The following EMC1 variants were observed in gnomAD, a reference collection of about 807,000 sequenced individuals.
EMC1 encodes KIAA0090.
EMC1 carries 103 observed loss-of-function variants against 128.8 expected under a neutral mutation model. That is an observed-to-expected ratio of 0.80 (90% CI 0.68 to 0.94). The LOEUF is 0.94. Among genes scored for constraint, EMC1 ranks in the 40% least tolerant of loss-of-function variants. EMC1 has a pLI of 0.00. For synonymous variants in EMC1, 442 were observed against 490.4 expected (o/e 0.90, Z 1.30); for missense variants, 1,083 against 1,250.6 (o/e 0.87, Z 2.02).
At position 19,232,792 on chromosome 1, in the gene EMC1, C is replaced by T; in HGVS notation, c.1633-19G>A. On this transcript the variant is annotated intron_variant, in intron 14 of 22. Coordinates refer to ENST00000477853, the MANE Select transcript of EMC1 (RefSeq NM_015047.3). The stretch of plus-strand genomic sequence containing the variant: ...CAAAAAGCTGCAAGATAAACAAATA[C>T]TTGGCTCACTACTAGAAAGAGAAAC... The T allele has an allele frequency of 1.9e-6, 3 of 1,614,008 alleles. No homozygotes were observed. The highest frequency in any genetic ancestry group is 1.1e-5 in the South Asian group (1 of 91,088).
At position 19,236,779 on chromosome 1, in the gene EMC1, C is replaced by T. The variant is rs866895424; in HGVS notation, c.1309+363G>A. On this transcript the variant is annotated intron_variant, in intron 12 of 22. Transcript: ENST00000477853. ...GGTCAGGAATTCGAGACCAGCCTGG[C>T]CAACATGGGGAAACCCTGTCTCTAC... Among the ~76,000 whole-genome samples, 6 of 151,520 alleles carry T rather than the reference C, an allele frequency of 4.0e-5. 1 individual carries two copies. The South Asian group carries it at 1.3e-3, about 32-fold the overall frequency.
In EMC1 at chr1:19,235,132, GC is replaced by G. The variant is rs1348913197; in HGVS notation, c.1429del (p.Ala477GlnfsTer9). 1 of 1,613,436 alleles carries G rather than the reference GC, an allele frequency of 6.2e-7. No homozygotes were observed. Among genetic ancestry groups the G allele is most frequent in the Non-Finnish European group, 8.5e-7 (1 of 1,179,700 alleles). ...AELEGEFGKK[A>X]DGLLGMFLKR... Reference sequence around the variant, plus strand: ...GCTCCAACCTCTTAGGTTCATACCTGCCTTTTTGCCAAATTCTCCTTCCAGC... The same window carrying G: ...GCTCCAACCTCTTAGGTTCATACCTGCTTTTTGCCAAATTCTCCTTCCAGC... On this transcript the variant is annotated frameshift_variant, in exon 13 of 23. Transcript: ENST00000477853. LOFTEE classifies it high-confidence loss of function.
At chr1:19,243,778 C>CCT (rs2093619004) in intron 3 of EMC1, 71 bp from the exon 4 acceptor site, 1 of 1,516,852 alleles carries the variant, frequency 6.6e-7, no homozygotes, top group African/African-American at 1.4e-5. Flanking sequence ...CCACTGTGAG[C>CCT]AGTGGCCTCA....
intron 21 of EMC1, chr1:19,220,548 A>T: frequency 2.4e-6 from 1 of 408,546 alleles, no homozygotes; most frequent in Non-Finnish European, 4.4e-6. Flanking sequence ...TACCTAACAT[A>T]GTATATATTT....
At chr1:19,235,343 G>T in intron 12 of EMC1, 91 bp from the exon 13 acceptor site, 1 of 1,356,800 alleles carries the variant, frequency 7.4e-7, no homozygotes, top group Non-Finnish European at 1.0e-6. Context: ...CAAGGTGGGT[G>T]AATCTCTTGA....
At position 19,219,321 on chromosome 1, in the gene EMC1, C is replaced by G. The variant is rs764704020; in HGVS notation, c.2964G>C (p.Leu988=). 31 of 1,614,110 alleles carry G rather than the reference C, an allele frequency of 1.9e-5. 3 individuals carry two copies. The Middle Eastern group carries it at 5.1e-3, about 267-fold the overall frequency. ...ITKRLAQVKL[L]NRAWR is the part of the protein sequence containing the mutation. ...TTGTTCTTTATCGCCAGGCCCGATT[C>G]AGGAGCTTCACCTGTGCCAGTCTCT... The change falls in exon 23 of 23, where the codon CTG becomes CTC. Residue 988 remains leucine, a synonymous_variant. Coordinates refer to ENST00000477853, the MANE Select transcript of EMC1 (RefSeq NM_015047.3).
intron 17 of EMC1, among the ~76,000 whole-genome samples, chr1:19,228,631 C>T: frequency 6.6e-6 from 1 of 151,880 alleles, no homozygotes; most frequent in Non-Finnish European, 1.5e-5. Context: ...TGATTTTGCA[C>T]TTTTGTCAAT....
chr1:19,241,113 G>A lies in EMC1; in HGVS notation c.539C>T (p.Ser180Phe), dbSNP rs747871687. 1.8e-5 allele frequency: 29 copies of A among 1,614,096 alleles called. No individual in the cohort carries two copies. The South Asian group carries it at 3.2e-4, about 18-fold the overall frequency. Residue 180 changes from serine (S) to phenylalanine (F), a missense_variant, in exon 6 of 23, where the codon TCT (serine) becomes TTT (phenylalanine). Ser to Phe is a radical substitution (Grantham distance 155). Around this residue, in one of 3 missense-constraint regions of EMC1, gnomAD observed 544 missense variants for 572.4 expected, o/e 0.95. Transcript: ENST00000477853. Reference protein sequence around the residue: ...SDSIHYQMVYSYGSGVVWALG... With the variant: ...SDSIHYQMVYFYGSGVVWALG... ...GGCCCACACCACCCCAGAGCCGTAA[G>A]AATACACCATCTGGTAGTGGATGCT... is the stretch of plus-strand genomic sequence containing the variant.
At chr1:19,221,561 G>C (rs1180721584) in intron 20 of EMC1, 1 of 151,848 alleles carries the variant, frequency 6.6e-6, no homozygotes, top group Non-Finnish European at 1.5e-5. Flanking sequence ...ACTTGAACCA[G>C]GGAGGCTGAA....
chr1:19,231,161 T>C, intron 16 of EMC1, 100 bp downstream of exon 16: 1 of 1,402,366 alleles, frequency 7.1e-7, no homozygotes, highest in Non-Finnish European at 9.7e-7. Context: ...AAACACGTGC[T>C]GGGTGCAGAG....
chr1:19,231,305 G>A lies in EMC1; in HGVS notation c.1900C>T (p.Gln634Ter), dbSNP rs1262721985. 1.2e-6 allele frequency: 2 copies of A among 1,610,502 alleles called. No individual in the cohort carries two copies. Among genetic ancestry groups the A allele is most frequent in the Non-Finnish European group, 1.7e-6 (2 of 1,179,220 alleles). ...LQSLLLPVMD[Q>*]DYAKVLLLID... ...AACAGCAACACCTTGGCGTAGTCTT[G>A]ATCCATGACTGGGAGAAGCAAGGAC... Residue 634 changes from glutamine to a stop codon, truncating the protein, a stop_gained, in exon 16 of 23, where the codon CAA (glutamine) becomes TAA (stop). Coordinates refer to ENST00000477853, the MANE Select transcript of EMC1 (RefSeq NM_015047.3). LOFTEE classifies it high-confidence loss of function.
chr1:19,236,256 A>C (rs1169926915), intron 12 of EMC1, among the ~76,000 whole-genome samples: 1 of 152,092 alleles, frequency 6.6e-6, no homozygotes, highest in Non-Finnish European at 1.5e-5. Flanking sequence ...GCTACTCAGG[A>C]GGCTGAGGCA....
chr1:19,227,619 C>T (rs41300122), intron 17 of EMC1, among the ~76,000 whole-genome samples, 169 bp from the exon 18 acceptor site: 536 of 152,334 alleles, frequency 3.5e-3, no homozygotes, highest in Non-Finnish European at 5.6e-3. Flanking sequence ...GTAATCCCAG[C>T]ACTTTGGGAG....
intron 1 of EMC1, among the ~76,000 whole-genome samples, chr1:19,250,049 C>G (rs2093650233): frequency 6.6e-6 from 1 of 151,868 alleles, no homozygotes; most frequent in Non-Finnish European, 1.5e-5. Context: ...GAAACCCTGT[C>G]TCTACCAAAA....
chr1:19,248,959 G>A (rs2093644487), intron 1 of EMC1, among the ~76,000 whole-genome samples: 1 of 152,166 alleles, frequency 6.6e-6, no homozygotes, highest in Admixed American at 6.5e-5. Context: ...TAGGGAGGCT[G>A]AGGCAGGAGG....
In EMC1 at chr1:19,219,577, T is replaced by C. The variant is rs2093415698; in HGVS notation, c.2794A>G (p.Thr932Ala). ...IYTAPSGLES[T>A]CLVVAYGLDI... Reference sequence around the variant, plus strand: ...CTGTGGGCTCTACTCACCAAACAAGTGGACTCCAGACCCGAGGGAGCTGTG... The same window carrying C: ...CTGTGGGCTCTACTCACCAAACAAGCGGACTCCAGACCCGAGGGAGCTGTG... Residue 932 changes from threonine (T) to alanine (A), a missense_variant, in exon 22 of 23, where the codon ACT (threonine) becomes GCT (alanine). Thr to Ala is a moderately conservative substitution (Grantham distance 58). Transcript: ENST00000477853. 6.2e-7 allele frequency: 1 copy of C among 1,613,900 alleles called. No individual in the cohort carries two copies. Among genetic ancestry groups the C allele is most frequent in the African/African-American group, 1.3e-5 (1 of 74,874 alleles).
chr1:19,248,509 T>C (rs2093642012), intron 1 of EMC1, among the ~76,000 whole-genome samples: 1 of 152,176 alleles, frequency 6.6e-6, no homozygotes, highest in Non-Finnish European at 1.5e-5. Flanking sequence ...AACCTCCGTC[T>C]CCCAGGTTCA....
At position 19,240,416 on chromosome 1, in the gene EMC1, G is replaced by C. The variant is rs1209240670; in HGVS notation, c.667C>G (p.Leu223Val). 1.2e-6 allele frequency: 2 copies of C among 1,614,186 alleles called. No individual in the cohort carries two copies. The change falls in exon 7 of 23, where the codon CTG (leucine) becomes GTG (valine). Residue 223 changes from leucine (L) to valine (V), a missense_variant. Transcript: ENST00000477853. ...VRVSTPWLQH[L>V]SGACGVVDEA... ...TCCACCACACCACAGGCTCCAGACA[G>C]GTGCTGCAGCCACGGAGTTGAAACC...
Position 19,219,471 on chromosome 1 carries a change from A to G in EMC1, c.2814T>C (p.Tyr938=). 8 of 1,614,074 alleles carry G rather than the reference A, an allele frequency of 5.0e-6. No homozygotes were observed. Among genetic ancestry groups the G allele is most frequent in the Non-Finnish European group, 5.9e-6 (7 of 1,180,010 alleles). The change falls in exon 23 of 23, where the codon TAT becomes TAC. Residue 938 remains tyrosine (Y), a synonymous_variant. Coordinates refer to ENST00000477853, the MANE Select transcript of EMC1 (RefSeq NM_015047.3). ...CTCGAGTTTGGTAAATGTCCAAACC[A>G]TAGGCCACAACCTGGAAGGCAGATG... ...GLESTCLVVA[Y]GLDIYQTRVY... is the part of the protein sequence containing the mutation.
Sources: gnomAD v4.1 joint callset for allele counts (sites outside exome capture counted in the v4.1 genomes callset) on GRCh38, gnomAD v4.1.1 for gene constraint, gnomAD v4.1.1 regional missense constraint, MANE v1.5 for transcripts, NCBI Gene and HGNC (gene_info 2026-07-23, HGNC 2026-07-21) for gene names.